The following COBL variants were observed in gnomAD, a reference collection of about 807,000 sequenced individuals.
The protein encoded by COBL is cordon-bleu WH2 repeat protein, also known as protein cordon-bleu.
A neutral mutation model predicts 98.8 loss-of-function variants in COBL; 51 were observed. The observed-to-expected ratio is 0.52, with a 90% CI of 0.41 to 0.65. COBL has a LOEUF of 0.65. Ranked by LOEUF, COBL falls within the 30% of genes least tolerant of loss-of-function variation. COBL has a pLI of 0.00. For missense variants in COBL, 1,617 were observed against 1,617.5 expected (o/e 1.00, Z 0.01); for synonymous variants, 634 against 651.7 (o/e 0.97, Z 0.41).
intron 1 of COBL, among the ~76,000 whole-genome samples, chr7:51,307,793 G>A (rs1287835096): frequency 6.6e-6 from 1 of 152,188 alleles, no homozygotes; most frequent in Non-Finnish European, 1.5e-5. Flanking sequence ...TTTCTGAGAA[G>A]TGGTAAAGTG....
intron 6 of COBL, among the ~76,000 whole-genome samples, chr7:51,089,653 T>C (rs1336474763): frequency 6.6e-6 from 1 of 152,184 alleles, no homozygotes; most frequent in Admixed American, 6.5e-5. Flanking sequence ...GAGACATAGA[T>C]TTGTTTTGTT....
At position 51,219,897 on chromosome 7, in the gene COBL, G is replaced by C; in HGVS notation, c.89C>G (p.Thr30Ser). ...RAPPPPGKAATLHVHSDQKPP... is the reference protein window; with the variant it reads ...RAPPPPGKAASLHVHSDQKPP... ...CTTCTGGTCACTGTGCACATGCAGA[G>C]TGGCAGCCTTTCCAGGAGGTGGGGG... is the stretch of plus-strand genomic sequence containing the variant. The change falls in exon 2 of 13, where the codon ACT (threonine) becomes AGT (serine). Residue 30 changes from threonine (T) to serine (S), a missense_variant. By Grantham distance (58) the Thr-to-Ser change is moderately conservative. This residue lies in a region of COBL where 238 missense variants were observed against 215.0 expected (regional missense o/e 1.11). Coordinates refer to ENST00000265136, the MANE Select transcript of COBL (RefSeq NM_015198.5). 3 of 1,612,642 alleles carry C rather than the reference G, an allele frequency of 1.9e-6. No individual in the cohort carries two copies. Among genetic ancestry groups the C allele is most frequent in the South Asian group, 2.2e-5 (2 of 91,034 alleles).
chr7:51,135,423 T>C (rs912903845), intron 6 of COBL, among the ~76,000 whole-genome samples: 2 of 152,026 alleles, frequency 1.3e-5, no homozygotes, highest in African/African-American at 2.4e-5. Flanking sequence ...GGAACAGAGA[T>C]GGATGACCAG....
chr7:51,229,410 G>A (rs1057405303), intron 1 of COBL, among the ~76,000 whole-genome samples: 2 of 152,228 alleles, frequency 1.3e-5, no homozygotes, highest in African/African-American at 4.8e-5. Context: ...CGCGAGAGTT[G>A]TGAGGGAGGA....
intron 1 of COBL, among the ~76,000 whole-genome samples, chr7:51,240,400 A>G (rs1795678834): frequency 6.6e-6 from 1 of 152,232 alleles, no homozygotes; most frequent in Non-Finnish European, 1.5e-5. Flanking sequence ...GAAAATATCC[A>G]TCAACATTCA....
chr7:51,073,349 C>A, intron 7 of COBL: 2 of 697,460 alleles, frequency 2.9e-6, no homozygotes, highest in South Asian at 3.0e-5. Flanking sequence ...CCATCAGAAG[C>A]GCTTGGCCTG....
intron 1 of COBL, 146 bp from the exon 2 acceptor site, chr7:51,220,090 A>G (rs758941216): frequency 1.6e-4 from 105 of 669,528 alleles, no homozygotes; most frequent in Non-Finnish European, 2.4e-4. Flanking sequence ...CCCCCAAACA[A>G]GTAAAAACTA....
chr7:51,172,447 A>G (rs1359915296), intron 5 of COBL: 2 of 1,285,888 alleles, frequency 1.6e-6, no homozygotes, highest in Non-Finnish European at 1.0e-6. Flanking sequence ...CTGGGGCATT[A>G]GTACTCACGT....
intron 7 of COBL, among the ~76,000 whole-genome samples, chr7:51,066,684 C>G (rs1263944080): frequency 6.6e-6 from 1 of 152,182 alleles, no homozygotes; most frequent in African/African-American, 2.4e-5. Context: ...TCATCACTTC[C>G]TGCCCCGACC....
At chr7:51,062,252 G>C (rs1275299792) in intron 7 of COBL, among the ~76,000 whole-genome samples, 1 of 150,824 alleles carries the variant, frequency 6.6e-6, no homozygotes, top group Non-Finnish European at 1.5e-5. Flanking sequence ...GTTTGCTGCA[G>C]TAACAACAGT....
chr7:51,134,352 T>C (rs562623332), intron 6 of COBL, among the ~76,000 whole-genome samples: 160 of 152,336 alleles, frequency 1.1e-3, no homozygotes, highest in Non-Finnish European at 2.1e-3. Context: ...CAAAAAGCTT[T>C]TACTGCCTCA....
chr7:51,263,806 T>C (rs1345565639), intron 1 of COBL, among the ~76,000 whole-genome samples: 1 of 152,216 alleles, frequency 6.6e-6, no homozygotes, highest in Non-Finnish European at 1.5e-5. Flanking sequence ...CACTGAACAC[T>C]TTCTTGGCAA....
chr7:51,038,323 C>G (rs1323324870), intron 8 of COBL, among the ~76,000 whole-genome samples: 1 of 152,186 alleles, frequency 6.6e-6, no homozygotes, highest in East Asian at 1.9e-4. Flanking sequence ...CTAAATACAA[C>G]TGCACACAAC....
intron 7 of COBL, among the ~76,000 whole-genome samples, chr7:51,044,082 T>TA (rs1162230951): frequency 1.3e-5 from 2 of 152,244 alleles, no homozygotes; most frequent in Admixed American, 6.5e-5. Context: ...TTAAGACAAT[T>TA]AGAGTTTTTG....
chr7:51,121,241 T>G (rs1371006823), intron 6 of COBL, among the ~76,000 whole-genome samples: 1 of 152,246 alleles, frequency 6.6e-6, no homozygotes, highest in Non-Finnish European at 1.5e-5. Context: ...GGTATCTCAT[T>G]GTGGTTTTGA....
At chr7:51,106,748 G>A (rs1328605947) in intron 6 of COBL, among the ~76,000 whole-genome samples, 1 of 152,100 alleles carries the variant, frequency 6.6e-6, no homozygotes, top group African/African-American at 2.4e-5. Context: ...TCACAGGTGG[G>A]CACAGGCATG....
At chr7:51,173,301 C>G (rs894764306) in intron 5 of COBL, among the ~76,000 whole-genome samples, 3 of 152,126 alleles carry the variant, frequency 2.0e-5, no homozygotes, top group African/African-American at 7.2e-5. Context: ...CTGCCTCAGC[C>G]TCCCGAGTAG....
At chr7:51,038,618 G>A (rs552750716) in intron 8 of COBL, among the ~76,000 whole-genome samples, 5 of 152,306 alleles carry the variant, frequency 3.3e-5, no homozygotes, top group East Asian at 3.9e-4. Flanking sequence ...TTCCCAAACC[G>A]TGTTTAGTGA....
Position 51,053,040 on chromosome 7 carries a change from T to G in COBL, c.1097-9348A>C, listed in dbSNP as rs368042543. 2.6e-5 allele frequency among the ~76,000 whole-genome samples: 4 copies of G among 152,288 alleles called. No individual in the cohort carries two copies. The East Asian group carries it at 7.7e-4, about 29-fold the overall frequency. On this transcript the variant is annotated intron_variant, in intron 7 of 12. Transcript: ENST00000265136. The stretch of plus-strand genomic sequence containing the variant: ...CCTTTGTGGCTGCCTTTAACTGCAT[T>G]TCCTTCTCCCTCTCCCTTCCCAGCA...
Sources: allele counts gnomAD v4.1 joint callset (sites outside exome capture counted in the v4.1 genomes callset), GRCh38; gene constraint gnomAD v4.1.1; regional missense constraint gnomAD v4.1.1; transcripts MANE v1.5; gene names NCBI Gene and HGNC (gene_info 2026-07-23, HGNC 2026-07-21).